The following PCDHA11 variants were observed in gnomAD, a reference collection of about 807,000 sequenced individuals.
PCDHA11 encodes protocadherin alpha-11.
PCDHA11 carries 61 observed loss-of-function variants against 70.3 expected under a neutral mutation model. The observed-to-expected ratio is 0.87, with a 90% confidence interval of 0.71 to 1.07. The LOEUF (loss-of-function observed/expected upper bound fraction) is 1.07, where lower values mean the gene tolerates loss of function less well. Ranked by LOEUF, PCDHA11 falls within the 50% of genes least tolerant of loss-of-function variation. The pLI is 0.00. For missense variants in PCDHA11, 1,324 were observed against 1,237.5 expected, an observed-to-expected ratio of 1.07 and a Z score of -1.05; for synonymous variants, 633 against 555.1, an observed-to-expected ratio of 1.14 and a Z score of -1.97.
chr5:140,967,079 A>G (rs2096093467), intron 1 of PCDHA11: 10 of 1,613,252 alleles, frequency 6.2e-6, no homozygotes, highest in Non-Finnish European at 8.5e-6. Flanking sequence ...CAACGAGCGC[A>G]TTGATCGGGA....
chr5:140,968,025 C>T lies in PCDHA11; in HGVS notation c.2392-10924C>T, dbSNP rs782679458. ...CTGAATGGCTTTGGAAACTCCTATA[C>T]ACTGGTGGTGAGCGGCCCACTGGAC... On this transcript the variant is annotated intron_variant, in intron 1 of 3. Coordinates refer to ENST00000398640, the MANE Select transcript of PCDHA11 (RefSeq NM_018902.5). 4.3e-6 allele frequency: 7 copies of T among 1,614,200 alleles called. No individual in the cohort carries two copies. In the South Asian group the frequency reaches 6.6e-5, roughly 15 times the overall value.
At chr5:140,979,043 C>A (rs782371496) in intron 2 of PCDHA11, 36 bp downstream of exon 2, 2 of 1,612,500 alleles carry the variant, frequency 1.2e-6, no homozygotes, top group Non-Finnish European at 1.7e-6. Context: ...CAGAAGTAAC[C>A]TTAACTTGGT....
At chr5:140,885,267 C>T (rs1448375746) in intron 1 of PCDHA11, among the ~76,000 whole-genome samples, 1 of 151,978 alleles carries the variant, frequency 6.6e-6, no homozygotes, top group Non-Finnish European at 1.5e-5. Flanking sequence ...ATTACTCATA[C>T]ATATATATAT....
intron 1 of PCDHA11, among the ~76,000 whole-genome samples, chr5:140,898,404 A>G (rs1170692741): frequency 1.3e-5 from 2 of 152,242 alleles, no homozygotes; most frequent in Non-Finnish European, 2.9e-5. Flanking sequence ...AGCTTTCTAC[A>G]TACGGCTAGC....
chr5:140,941,214 C>CTTTCTTTCTTTCTGTCTTT, intron 1 of PCDHA11, among the ~76,000 whole-genome samples: 1 of 122,492 alleles, frequency 8.2e-6, no homozygotes, highest in African/African-American at 3.1e-5. Flanking sequence ...TTTCTTTCTT[C>CTTTCTTTCTTTCTGTCTTT]CTTTCTTTCT....
intron 1 of PCDHA11, among the ~76,000 whole-genome samples, chr5:140,912,581 T>C (rs2075985656): frequency 6.6e-6 from 1 of 152,178 alleles, no homozygotes; most frequent in Admixed American, 6.5e-5. Flanking sequence ...CTTTTCCAAT[T>C]TGGATGCCCT....
chr5:140,877,350 G>A (rs376513441), intron 1 of PCDHA11: 2 of 1,613,896 alleles, frequency 1.2e-6, no homozygotes, highest in African/African-American at 1.3e-5. Flanking sequence ...ACGTGGGGCT[G>A]TACACTGGCG....
chr5:140,959,753 T>C (rs1479386012), intron 1 of PCDHA11, among the ~76,000 whole-genome samples: 1 of 152,226 alleles, frequency 6.6e-6, no homozygotes. Context: ...TTAAAGTATA[T>C]TTTAATATTC....
At chr5:140,881,623 A>G (rs1179461885) in intron 1 of PCDHA11, among the ~76,000 whole-genome samples, 1 of 152,188 alleles carries the variant, frequency 6.6e-6, no homozygotes, top group East Asian at 1.9e-4. Flanking sequence ...TCAAAATCTG[A>G]TATATCAGTT....
intron 3 of PCDHA11, among the ~76,000 whole-genome samples, chr5:140,990,384 T>A (rs2097391380): frequency 6.6e-6 from 1 of 152,186 alleles, no homozygotes; most frequent in Non-Finnish European, 1.5e-5. Context: ...TTGTTGGTGA[T>A]GTTCCAAGAA....
chr5:140,882,942 C>T (rs2059373370), intron 1 of PCDHA11: 1 of 1,614,224 alleles, frequency 6.2e-7, no homozygotes. Flanking sequence ...CTGACTGGCA[C>T]AGTTCAGCTG....
At chr5:140,910,479 A>G (rs2075041093) in intron 1 of PCDHA11, among the ~76,000 whole-genome samples, 1 of 152,212 alleles carries the variant, frequency 6.6e-6, no homozygotes. Context: ...AAAATCTGGC[A>G]TACAGAGAAG....
At chr5:140,990,737 C>T (rs2097410697) in intron 3 of PCDHA11, among the ~76,000 whole-genome samples, 1 of 152,162 alleles carries the variant, frequency 6.6e-6, no homozygotes, top group African/African-American at 2.4e-5. Context: ...ATCAACAGCC[C>T]TAGGGTGGAT....
intron 1 of PCDHA11, chr5:140,967,680 G>C (rs1554229771): frequency 6.2e-7 from 1 of 1,614,228 alleles, no homozygotes; most frequent in South Asian, 1.1e-5. Context: ...GACCGGGAGA[G>C]GCAGCTCTTC....
chr5:140,869,865 T>C lies in PCDHA11; in HGVS notation c.762T>C (p.Asn254=), dbSNP rs782263076. The C allele has an allele frequency of 6.2e-7, 1 of 1,610,308 alleles. No homozygotes were observed. The highest frequency in any genetic ancestry group is 8.5e-7 in the Non-Finnish European group (1 of 1,178,154). Residue 254 remains asparagine, a synonymous_variant, in exon 1 of 4, where the codon AAT becomes AAC. Transcript: ENST00000398640. ...AATATAAGGTGAGCCTTATGGAAAATGCTGCTAAAGAAACTCTTGTGCTCA... is the reference window on the plus strand; with the variant it reads ...AATATAAGGTGAGCCTTATGGAAAACGCTGCTAAAGAAACTCTTGTGCTCA... The part of the protein sequence containing the change: ...KSEYKVSLME[N]AAKETLVLKL...
intron 1 of PCDHA11, among the ~76,000 whole-genome samples, chr5:140,945,974 A>C (rs887994156): frequency 6.6e-5 from 10 of 152,146 alleles, no homozygotes; most frequent in African/African-American, 2.2e-4. Flanking sequence ...AATAAAAGCA[A>C]AAATAGACTA....
Position 140,946,631 on chromosome 5 carries a change from T to TATATACAC in PCDHA11, c.2392-32317_2392-32316insTATACACA, listed in dbSNP as rs57893927. Among the ~76,000 whole-genome samples, 48 of 131,820 alleles carry TATATACAC rather than the reference T, an allele frequency of 3.6e-4. 1 individual carries two copies. Among genetic ancestry groups the TATATACAC allele is most frequent in the South Asian group, 8.9e-4 (4 of 4,516 alleles). The allele number at this position is 131,820 out of a possible 152,430, so 86.5% of individuals were successfully genotyped here. A position where few individuals can be genotyped will look rare whatever the true frequency, so the allele number is the denominator to read the frequency against. ...TGTGAAATATATATATATATATATA[T>TATATACAC]ACAATGGAATACTCATCAGCCATTA... is the stretch of plus-strand genomic sequence containing the variant. On this transcript the variant is annotated intron_variant, in intron 1 of 3. Coordinates refer to ENST00000398640, the MANE Select transcript of PCDHA11 (RefSeq NM_018902.5).
chr5:140,974,322 G>A (rs11743888), intron 1 of PCDHA11, among the ~76,000 whole-genome samples: 7,497 of 152,260 alleles, frequency 0.049, 207 homozygotes, highest in Middle Eastern at 0.068. Flanking sequence ...GAGAGTAGCT[G>A]CTGTGCTAGC....
chr5:140,997,859 T>C (rs2097788506), intron 3 of PCDHA11, among the ~76,000 whole-genome samples: 1 of 152,216 alleles, frequency 6.6e-6, no homozygotes, highest in Non-Finnish European at 1.5e-5. Context: ...TACATATTTC[T>C]TATGCATGCT....
Sources: allele counts gnomAD v4.1 joint callset (sites outside exome capture counted in the v4.1 genomes callset), GRCh38; gene constraint gnomAD v4.1.1; transcripts MANE v1.5; gene names NCBI Gene and HGNC (gene_info 2026-07-23, HGNC 2026-07-21).